The following LZTR1 variants were observed in gnomAD, a reference collection of about 807,000 sequenced individuals.
LZTR1 encodes leucine zipper like post translational regulator 1.
In LZTR1, 260 loss-of-function variants were observed where a neutral mutation model predicts 105.7. The observed-to-expected ratio is 2.46, with a 90% CI of 2.22 to 2.72. LZTR1 has a LOEUF of 2.72. Ranked by LOEUF, LZTR1 falls within the 30% of genes most tolerant of loss-of-function variation. The pLI is 0.00. For missense variants in LZTR1, 1,214 were observed against 1,166.9 expected (o/e 1.04, Z -0.59); for synonymous variants, 490 against 476.4 (o/e 1.03, Z -0.37).
At position 20,988,818 on chromosome 22, in the gene LZTR1, C is replaced by T. The variant is rs1404043176; in HGVS notation, c.539C>T (p.Ala180Val). ...CCAGTCGCTAGGTCAGCCCATGGGG[C>T]CACGGTGTACAGTGACAAGCTGTGG... ...RLPVARSAHG[A>V]TVYSDKLWIF... Residue 180 changes from alanine (A) to valine (V), a missense_variant, in exon 6 of 21, where the codon GCC becomes GTC. Coordinates refer to ENST00000646124, the MANE Select transcript of LZTR1 (RefSeq NM_006767.4). 5 of 1,613,996 alleles carry T rather than the reference C, an allele frequency of 3.1e-6. No homozygotes were observed. The East Asian group carries it at 8.9e-5, about 29-fold the overall frequency.
At position 20,994,713 on chromosome 22, in the gene LZTR1, C is replaced by G; in HGVS notation, c.1771C>G (p.Leu591Val). 1.2e-6 allele frequency: 2 copies of G among 1,611,718 alleles called. No individual in the cohort carries two copies. The highest frequency in any genetic ancestry group is 1.3e-5 in the African/African-American group (1 of 75,050). ...VVCESAARLQ[L>V]SQLKEHCLNF... is the part of the protein sequence containing the mutation. ...GTGCGAGAGTGCCGCCCGGCTGCAGCTGAGCCAACTCAAGGTGTGGGGTGG... is the reference window on the plus strand; with the variant it reads ...GTGCGAGAGTGCCGCCCGGCTGCAGGTGAGCCAACTCAAGGTGTGGGGTGG... The change falls in exon 15 of 21, where the codon CTG (leucine) becomes GTG (valine). Residue 591 changes from leucine (L) to valine (V), a missense_variant. Leu to Val is a conservative substitution (Grantham distance 32). Transcript: ENST00000646124.
chr22:20,988,101 G>T lies in LZTR1; in HGVS notation c.492G>T (p.Glu164Asp). 1 of 1,610,574 alleles carries T rather than the reference G, an allele frequency of 6.2e-7. No individual in the cohort carries two copies. The highest frequency in any genetic ancestry group is 8.5e-7 in the Non-Finnish European group (1 of 1,176,830). Residue 164 changes from glutamate to aspartate, a missense_variant, in exon 5 of 21, where the codon GAG becomes GAT. Transcript: ENST00000646124. Reference protein sequence around the residue: ...EYKFATGQWTEWKIEGRLPVA... With the variant: ...EYKFATGQWTDWKIEGRLPVA... ...AGTTTGCAACTGGCCAGTGGACGGA[G>T]TGGAAAATTGAAGGACGGTGAGAAA... is the stretch of plus-strand genomic sequence containing the variant.
intron 6 of LZTR1, 77 bp from the exon 7 acceptor site, chr22:20,989,548 G>A: frequency 8.3e-7 from 1 of 1,198,180 alleles, no homozygotes; most frequent in Non-Finnish European, 1.2e-6. Flanking sequence ...CCTCCCTGCA[G>A]CCATCCCTTC....
chr22:20,986,564 GTAGAT>G (rs1924395202), intron 3 of LZTR1: 1 of 152,224 alleles, frequency 6.6e-6, no homozygotes, highest in Non-Finnish European at 1.5e-5. Flanking sequence ...TGATAGGTAG[GTAGAT>G]TAGATAGATG....
At position 20,995,490 on chromosome 22, in the gene LZTR1, C is replaced by T. The variant is rs761685529; in HGVS notation, c.1943-256C>T. On this transcript the variant is annotated intron_variant, in intron 16 of 20. Transcript: ENST00000646124. The stretch of plus-strand genomic sequence containing the variant: ...GGAGGGGGCTTGATCATGAGGTCAG[C>T]GAGGGGGTACAGCAAGCTGGGTGGA... The T allele has an allele frequency of 7.9e-5, 53 of 668,844 alleles. No individual in the cohort carries two copies. Among genetic ancestry groups the T allele is most frequent in the African/African-American group, 1.4e-4 (8 of 55,902 alleles). The allele number at this position is 668,844 out of a possible 1,614,324, so 41.4% of individuals were successfully genotyped here.
Position 20,991,846 on chromosome 22 carries a change from G to T in LZTR1, c.993+17G>T, listed in dbSNP as rs1444168351. ...GACAGCGAGGTGAGGGTGCCCAGGG[G>T]TGTCCTGACCTGCCAGCTGGACACC... On this transcript the variant is annotated intron_variant, in intron 9 of 20. Transcript: ENST00000646124. 1.4e-5 allele frequency: 22 copies of T among 1,543,422 alleles called. No homozygotes were observed. The East Asian group carries it at 5.4e-4, about 38-fold the overall frequency.
intron 10 of LZTR1, 156 bp from the exon 11 acceptor site, chr22:20,992,638 C>G: frequency 1.6e-6 from 1 of 635,582 alleles, no homozygotes; most frequent in Non-Finnish European, 2.7e-6. Context: ...CCAGGTCCCA[C>G]CTGTGTCTGT....
At chr22:20,996,220 C>T (rs1411850569) in intron 18 of LZTR1, 108 bp downstream of exon 18, 1 of 1,240,394 alleles carries the variant, frequency 8.1e-7, no homozygotes, top group African/African-American at 1.5e-5. Context: ...GATCTGGGCC[C>T]AGCGCCTCCC....
intron 14 of LZTR1, 72 bp from the exon 15 acceptor site, chr22:20,994,486 G>T (rs928179538): frequency 6.0e-6 from 9 of 1,507,486 alleles, no homozygotes; most frequent in African/African-American, 5.5e-5. Flanking sequence ...CTCTTCCATG[G>T]GGGGAGCCCT....
intron 6 of LZTR1, 99 bp downstream of exon 6, chr22:20,988,971 G>A: frequency 9.4e-7 from 1 of 1,064,418 alleles, no homozygotes; most frequent in Non-Finnish European, 1.4e-6. Context: ...AGGATTTTGA[G>A]TGCCTGGTGG....
Position 20,994,008 on chromosome 22 carries a change from A to T in LZTR1, c.1438A>T (p.Arg480Trp). The T allele has an allele frequency of 6.2e-7, 1 of 1,607,854 alleles. No individual in the cohort carries two copies. Among genetic ancestry groups the T allele is most frequent in the Non-Finnish European group, 8.5e-7 (1 of 1,178,430 alleles). ...LRRKITQARERLAQKLEQEAA... is the reference protein window; with the variant it reads ...LRRKITQAREWLAQKLEQEAA... ...CAGGAAGATCACGCAGGCGCGGGAG[A>T]GGCTGGCCCAGGTGAGGTGCCTAAC... The change falls in exon 13 of 21, where the codon AGG becomes TGG. Residue 480 changes from arginine (R) to tryptophan (W), a missense_variant. Physicochemically the swap from Arg to Trp is moderately radical, Grantham distance 101 (BLOSUM62 -3). Transcript: ENST00000646124.
At position 20,994,159 on chromosome 22, in the gene LZTR1, G is replaced by T; in HGVS notation, c.1505G>T (p.Gly502Val). The change falls in exon 14 of 21, where the codon GGT becomes GTT. Residue 502 changes from glycine (G) to valine (V), a missense_variant. Transcript: ENST00000646124. ...VPREAPGVAA[G>V]GARPPLLHVA... ...AGGGAGGCCCCCGGCGTGGCTGCTG[G>T]TGGGGCCCGGCCGCCCCTGCTGCAC... The T allele has an allele frequency of 6.3e-7, 1 of 1,596,896 alleles. No homozygotes were observed. The highest frequency in any genetic ancestry group is 8.5e-7 in the Non-Finnish European group (1 of 1,173,080).
At chr22:20,987,726 G>T (rs1303660626) in intron 4 of LZTR1, 143 bp downstream of exon 4, 1 of 777,530 alleles carries the variant, frequency 1.3e-6, no homozygotes, top group Non-Finnish European at 2.2e-6. Context: ...GCCAGTCTTC[G>T]GAATTCTGCG....
chr22:20,988,024 GA>G lies in LZTR1; in HGVS notation c.416del (p.Asp139AlafsTer8). The stretch of plus-strand genomic sequence containing the variant: ...TCTTTACTCAGGGGGTTACACTGGG[GA>G]CATTTATTCCAATTCTAACTTGAAG... ...SMFVFGGYTG[D>X]IYSNSNLKNK... On this transcript the variant is annotated frameshift_variant, in exon 5 of 21. Transcript: ENST00000646124. LOFTEE classifies it high-confidence loss of function. 1 of 1,604,960 alleles carries G rather than the reference GA, an allele frequency of 6.2e-7. No homozygotes were observed.
At chr22:20,990,233 A>C (rs1467727584) in intron 7 of LZTR1, among the ~76,000 whole-genome samples, 153 bp from the exon 8 acceptor site, 1 of 152,186 alleles carries the variant, frequency 6.6e-6, no homozygotes, top group Non-Finnish European at 1.5e-5. Context: ...TGGATGAGAC[A>C]GGGCTATGAG....
At chr22:20,983,376 C>G (rs758101279) in intron 2 of LZTR1, among the ~76,000 whole-genome samples, 1 of 152,242 alleles carries the variant, frequency 6.6e-6, no homozygotes, top group African/African-American at 2.4e-5. Flanking sequence ...AACACAACCA[C>G]CCTTGCGGCC....
At chr22:20,990,665 G>T in intron 8 of LZTR1, 140 bp downstream of exon 8, 1 of 897,224 alleles carries the variant, frequency 1.1e-6, no homozygotes, top group Non-Finnish European at 1.7e-6. Flanking sequence ...TTACAGCCCG[G>T]AGCAGGGATG....
At chr22:20,996,497 A>G (rs1924851229) in intron 18 of LZTR1, 199 bp from the exon 19 acceptor site, 2 of 607,288 alleles carry the variant, frequency 3.3e-6, no homozygotes, top group Admixed American at 5.8e-5. Context: ...AGATGTACAG[A>G]CACTATTTTT....
At chr22:20,987,362 C>T (rs190558579) in intron 3 of LZTR1, 142 bp from the exon 4 acceptor site, 124 of 589,460 alleles carry the variant, frequency 2.1e-4, no homozygotes, top group Admixed American at 8.2e-4. Flanking sequence ...GCACTCCAGC[C>T]GGGACGACAG....
Sources: allele counts gnomAD v4.1 joint callset (sites outside exome capture counted in the v4.1 genomes callset), GRCh38; gene constraint gnomAD v4.1.1; transcripts MANE v1.5; gene names NCBI Gene and HGNC (gene_info 2026-07-23, HGNC 2026-07-21).